The following GTF3C3 variants were observed in gnomAD, a reference collection of about 807,000 sequenced individuals.
The protein encoded by GTF3C3 is general transcription factor IIIC subunit 3.
Under a neutral mutation model 105.2 loss-of-function variants are expected in GTF3C3, and 75 were observed. The observed-to-expected ratio is 0.71, with a 90% CI of 0.59 to 0.86. The LOEUF (loss-of-function observed/expected upper bound fraction) is 0.86, where lower values mean the gene tolerates loss of function less well. GTF3C3 is among the 40% of genes least tolerant of loss of function. The probability of loss-of-function intolerance (pLI) is 0.00; values close to 1 mark genes in which losing one functional copy is unlikely to be tolerated. For missense variants in GTF3C3, 856 were observed against 1,076.5 expected, an observed-to-expected ratio of 0.80 and a Z score of 2.87; for synonymous variants, 335 against 370.4, an observed-to-expected ratio of 0.90 and a Z score of 1.10.
chr2:196,794,232 G>A, intron 2 of GTF3C3, among the ~76,000 whole-genome samples: 1 of 152,020 alleles, frequency 6.6e-6, no homozygotes, highest in Non-Finnish European at 1.5e-5. Flanking sequence ...TCCTCTGCCT[G>A]GGACTTCTCA....
At chr2:196,799,362 G>T in intron 1 of GTF3C3, 148 bp downstream of exon 1, 1 of 639,286 alleles carries the variant, frequency 1.6e-6, no homozygotes, top group East Asian at 2.7e-5. Context: ...GATGAGGGGT[G>T]AAAACCGGAG....
Position 196,764,346 on chromosome 2 carries a change from T to G in GTF3C3, c.*217A>C. The G allele has an allele frequency of 2.5e-6, 1 of 406,630 alleles. No individual in the cohort carries two copies. The allele number at this position is 406,630 out of a possible 1,614,324, so 25.2% of individuals were successfully genotyped here. A position where few individuals can be genotyped will look rare whatever the true frequency, so the allele number is the denominator to read the frequency against. ...ATTGGGAACAATTCACTATAGAATG[T>G]GAAAGGAAAATGACAGACCAATATA... On this transcript the variant is annotated 3_prime_UTR_variant, in exon 18 of 18. Transcript: ENST00000263956.
chr2:196,781,479 T>C (rs190600383), intron 8 of GTF3C3, among the ~76,000 whole-genome samples: 7 of 148,486 alleles, frequency 4.7e-5, no homozygotes, highest in Non-Finnish European at 8.9e-5. Context: ...GCAGAAGTAA[T>C]TGTGGTTTTA....
At chr2:196,781,689 C>T (rs780286011) in intron 8 of GTF3C3, among the ~76,000 whole-genome samples, 2 of 151,904 alleles carry the variant, frequency 1.3e-5, no homozygotes, top group East Asian at 1.9e-4. Flanking sequence ...TAGGAGGATT[C>T]GGACAAGTTT....
At chr2:196,772,402 G>A (rs1379805293) in intron 14 of GTF3C3, among the ~76,000 whole-genome samples, 1 of 152,026 alleles carries the variant, frequency 6.6e-6, no homozygotes, top group African/African-American at 2.4e-5. Flanking sequence ...TACAAAATGA[G>A]CTGGGCCTGG....
chr2:196,764,374 A>C lies in GTF3C3; in HGVS notation c.*189T>G. The C allele has an allele frequency of 2.1e-6, 1 of 474,172 alleles. No individual in the cohort carries two copies. Among genetic ancestry groups the C allele is most frequent in the East Asian group, 3.4e-5 (1 of 29,720 alleles). The allele number at this position is 474,172 out of a possible 1,614,324, so 29.4% of individuals were successfully genotyped here. A position where few individuals can be genotyped will look rare whatever the true frequency, so the allele number is the denominator to read the frequency against. ...AAGGAAAATGACAGACCAATATACAAATTTTTGTAGGAATAATTTTGCATA... is the reference window on the plus strand; with the variant it reads ...AAGGAAAATGACAGACCAATATACACATTTTTGTAGGAATAATTTTGCATA... On this transcript the variant is annotated 3_prime_UTR_variant, in exon 18 of 18. Transcript: ENST00000263956.
Position 196,776,940 on chromosome 2 carries a change from T to A in GTF3C3, c.1391-311A>T, listed in dbSNP as rs927647444. Among the ~76,000 whole-genome samples the A allele has an allele frequency of 6.6e-6, 1 of 152,200 alleles. No individual in the cohort carries two copies. Among genetic ancestry groups the A allele is most frequent in the African/African-American group, 2.4e-5 (1 of 41,438 alleles). ...TAATCAAACTGATTATGTAATTATA[T>A]CATTTGCCATTTAGGTTGCTTTCAA... On this transcript the variant is annotated intron_variant, in intron 10 of 17. Transcript: ENST00000263956. This position sits in a 1 kb window ranked among gnomAD's most constrained non-coding sequence, Gnocchi z 4.5.
intron 1 of GTF3C3, among the ~76,000 whole-genome samples, chr2:196,798,357 T>C (rs1699683796): frequency 6.6e-6 from 1 of 151,534 alleles, no homozygotes; most frequent in Admixed American, 6.6e-5. Context: ...AAACCCTGTC[T>C]CTACAAAAAA....
intron 8 of GTF3C3, among the ~76,000 whole-genome samples, chr2:196,781,355 A>AAAT (rs1699351737): frequency 3.2e-5 from 1 of 31,186 alleles, no homozygotes; most frequent in African/African-American, 8.0e-5. Flanking sequence ...AAAAAAAAAA[A>AAAT]AAATATATAT....
chr2:196,776,141 T>C lies in GTF3C3; in HGVS notation c.1594-30A>G, dbSNP rs1699255981. On this transcript the variant is annotated intron_variant, in intron 11 of 17. Coordinates refer to ENST00000263956, the MANE Select transcript of GTF3C3 (RefSeq NM_012086.5). The surrounding 1 kb of genome is among the most constrained non-coding windows in gnomAD (Gnocchi z 4.5). The stretch of plus-strand genomic sequence containing the variant: ...ACAAATAAGCACATGATGATGAGCC[T>C]AACAAGATTCCTTTTCTACAAATTG... 1 of 1,119,276 alleles carries C rather than the reference T, an allele frequency of 8.9e-7. No homozygotes were observed. The highest frequency in any genetic ancestry group is 1.4e-5 in the South Asian group (1 of 71,954). 69.3% of individuals were successfully genotyped at this position (1,119,276 alleles called of 1,614,324 possible).
At position 196,766,476 on chromosome 2, in the gene GTF3C3, G is replaced by A. The variant is rs972878465; in HGVS notation, c.2538+89C>T. On this transcript the variant is annotated intron_variant, in intron 17 of 17. Transcript: ENST00000263956. ...TAAGAGAAAATACATTTTAATATAC[G>A]AGCTATAATTTACTGGCTGGACTTA... 1.4e-5 allele frequency: 13 copies of A among 904,422 alleles called. No individual in the cohort carries two copies. In the Admixed American group the frequency reaches 1.9e-4, roughly 13 times the overall value. 56.0% of individuals were successfully genotyped at this position (904,422 alleles called of 1,614,324 possible).
chr2:196,781,357 A>AAAAAAAAAAAAT, intron 8 of GTF3C3, among the ~76,000 whole-genome samples: 7 of 18,812 alleles, frequency 3.7e-4, no homozygotes, highest in African/African-American at 7.2e-4. Flanking sequence ...AAAAAAAAAA[A>AAAAAAAAAAAAT]ATATATATAT....
At chr2:196,787,109 T>G (rs1699464786) in intron 6 of GTF3C3, among the ~76,000 whole-genome samples, 1 of 146,634 alleles carries the variant, frequency 6.8e-6, no homozygotes, top group Non-Finnish European at 1.5e-5. Flanking sequence ...AACCCACCCC[T>G]CATATTCAAT....
Position 196,769,955 on chromosome 2 carries a change from G to A in GTF3C3, c.2345C>T (p.Ser782Phe). 6.2e-7 allele frequency: 1 copy of A among 1,604,814 alleles called. No homozygotes were observed. Among genetic ancestry groups the A allele is most frequent in the South Asian group, 1.1e-5 (1 of 89,880 alleles). The change falls in exon 16 of 18, where the codon TCT becomes TTT. Residue 782 changes from serine to phenylalanine, a missense_variant. Transcript: ENST00000263956. ...ATGTCTCCGTAACACATACTTCTGA[G>A]ATGCCATATGAATAAAGGTTAGGCC... Reference protein sequence around the residue: ...CIGLTFIHMASQKYVLRRHAL... With the variant: ...CIGLTFIHMAFQKYVLRRHAL...
At chr2:196,766,805 A>G in intron 16 of GTF3C3, 88 bp from the exon 17 acceptor site, 1 of 996,470 alleles carries the variant, frequency 1.0e-6, no homozygotes, top group Non-Finnish European at 1.5e-6. Context: ...TGAAAATACA[A>G]ATATTTTTTA....
intron 3 of GTF3C3, among the ~76,000 whole-genome samples, 184 bp from the exon 4 acceptor site, chr2:196,791,644 G>T (rs755549357): frequency 1.4e-4 from 21 of 152,070 alleles, no homozygotes; most frequent in Non-Finnish European, 2.6e-4. Context: ...AGTTTATCGA[G>T]TCTAAAATTG....
At chr2:196,796,238 G>T (rs764767446) in intron 2 of GTF3C3, among the ~76,000 whole-genome samples, 1 of 152,160 alleles carries the variant, frequency 6.6e-6, no homozygotes, top group Non-Finnish European at 1.5e-5. Context: ...ATCTTAAAAG[G>T]ATGTATGACA....
At chr2:196,766,956 C>A (rs913178182) in intron 16 of GTF3C3, 7 of 307,746 alleles carry the variant, frequency 2.3e-5, no homozygotes, top group Non-Finnish European at 4.1e-5. Flanking sequence ...CCAAATGTTA[C>A]AAGTAGTTAC....
intron 6 of GTF3C3, among the ~76,000 whole-genome samples, chr2:196,788,349 C>A (rs953782575): frequency 2.0e-5 from 3 of 152,216 alleles, no homozygotes; most frequent in African/African-American, 7.2e-5. Context: ...GAATGGAAAG[C>A]ATATCACAAG....
Sources: gnomAD v4.1 joint callset for allele counts (sites outside exome capture counted in the v4.1 genomes callset) on GRCh38, gnomAD v4.1.1 for gene constraint, Gnocchi (gnomAD v3.1) non-coding constraint, MANE v1.5 for transcripts, NCBI Gene and HGNC (gene_info 2026-07-23, HGNC 2026-07-21) for gene names.